Variants in TELO2 observed in about 807,000 individuals in gnomAD.
TELO2 encodes telomere length regulation protein TEL2 homolog.
In TELO2, 71 loss-of-function variants were observed where a neutral mutation model predicts 91.0. The ratio of observed to expected loss-of-function variants is 0.78; its 90% CI spans 0.64 to 0.95. The LOEUF (loss-of-function observed/expected upper bound fraction) is 0.95. TELO2 is among the 40% of genes least tolerant of loss of function. The pLI is 0.00. For synonymous variants in TELO2, 584 were observed against 518.9 expected (o/e 1.13, Z -1.71); for missense variants, 1,183 against 1,141.3 (o/e 1.04, Z -0.53).
intron 20 of TELO2, among the ~76,000 whole-genome samples, chr16:1,509,457 C>T (rs552433360): frequency 2.0e-5 from 3 of 152,338 alleles, no homozygotes; most frequent in South Asian, 2.1e-4. Context: ...TCCCCACAGG[C>T]GGGTGGCACG....
rs375802232 is a variant in TELO2 at position 1,502,960 on chromosome 16, T to C, written c.1800T>C (p.Tyr600=). The change falls in exon 15 of 21, where the codon TAT becomes TAC. Residue 600 remains tyrosine, a synonymous_variant. Transcript: ENST00000262319. The part of the protein sequence containing the change: ...PVADYLTSQF[Y]ALNYSLRQRM... ...CCGACTATCTGACCTCACAGTTCTA[T>C]GCCCTCAACTACAGCCTCCGGCAGC... 5 of 1,611,546 alleles carry C rather than the reference T, an allele frequency of 3.1e-6. No individual in the cohort carries two copies. Among genetic ancestry groups the C allele is most frequent in the Middle Eastern group, 1.7e-4 (1 of 6,060 alleles).
chr16:1,499,435 G>T (rs1005622148), intron 6 of TELO2, 102 bp downstream of exon 6: 1 of 1,345,478 alleles, frequency 7.4e-7, no homozygotes, highest in Non-Finnish European at 1.1e-6. Context: ...GGGAGACCCT[G>T]CCTGTGATTT....
In TELO2 at chr16:1,497,438, C is replaced by A. The variant is rs374512269; in HGVS notation, c.760C>A (p.Arg254Ser). Residue 254 changes from arginine (R) to serine (S), a missense_variant, in exon 5 of 21, where the codon CGC becomes AGC. Physicochemically the swap from Arg to Ser is moderately radical, Grantham distance 110 (BLOSUM62 -1). Transcript: ENST00000262319. This position sits in a 1 kb window ranked among gnomAD's most constrained non-coding sequence, Gnocchi z 4.0. ...GSYLHQRVCWRLVEQVPDRAM... is the reference protein window; with the variant it reads ...GSYLHQRVCWSLVEQVPDRAM... ...CTACCTGCACCAGCGCGTCTGCTGG[C>A]GCCTGGTGGAGCAAGTGCCGGACCG... The A allele has an allele frequency of 1.3e-6, 2 of 1,564,628 alleles. No homozygotes were observed. The highest frequency in any genetic ancestry group is 1.9e-5 in the Admixed American group (1 of 52,760).
intron 8 of TELO2, 24 bp from the exon 9 acceptor site, chr16:1,500,539 A>AG: frequency 6.2e-7 from 1 of 1,610,822 alleles, no homozygotes. Flanking sequence ...CGAGGTGCTC[A>AG]GGGGGCCTGT....
rs773432577 is a variant in TELO2, at chr16:1,506,296, ACTT to A, written c.2101_2103del (p.Phe701del). 53 of 1,613,838 alleles carry A rather than the reference ACTT, an allele frequency of 3.3e-5. No individual in the cohort carries two copies. Among genetic ancestry groups the A allele is most frequent in the African/African-American group, 1.1e-4 (8 of 74,912 alleles). On this transcript the variant is annotated inframe_deletion, in exon 17 of 21. Transcript: ENST00000262319. ...AGCAGATTCAACTCCGTGGCCGGCC[ACTT>A]CTTCTTCCCCCTCCTTCAGCGCTTT...
chr16:1,502,898 C>A (rs759145955), intron 14 of TELO2, 33 bp from the exon 15 acceptor site: 7 of 1,608,248 alleles, frequency 4.4e-6, no homozygotes, highest in Non-Finnish European at 5.9e-6. Context: ...CCTCAGGTCC[C>A]GGACCACAGC....
At position 1,501,252 on chromosome 16, in the gene TELO2, G is replaced by A. The variant is rs1349422913; in HGVS notation, c.1282-168G>A. On this transcript the variant is annotated intron_variant, in intron 9 of 20. Coordinates refer to ENST00000262319, the MANE Select transcript of TELO2 (RefSeq NM_016111.4). ...CCAGTGCTACCCTTGGCCTGAGGTGGAATCTTAGAAAGTCGCTTTTAAAAA... is the reference window on the plus strand; with the variant it reads ...CCAGTGCTACCCTTGGCCTGAGGTGAAATCTTAGAAAGTCGCTTTTAAAAA... Among the ~76,000 whole-genome samples, 3 of 152,222 alleles carry A rather than the reference G, an allele frequency of 2.0e-5. No homozygotes were observed. The South Asian group carries it at 6.2e-4, about 31-fold the overall frequency.
chr16:1,505,455 G>A lies in TELO2; in HGVS notation c.1888G>A (p.Gly630Arg), dbSNP rs775933243. 57 of 1,612,980 alleles carry A rather than the reference G, an allele frequency of 3.5e-5. No homozygotes were observed. Among genetic ancestry groups the A allele is most frequent in the Middle Eastern group, 1.7e-4 (1 of 6,022 alleles). ...GGAGCTGTCTAGGCCTGGGTGCCTCGGGAGGACTCCCCAACCTGGCTCCCC... is the reference window on the plus strand; with the variant it reads ...GGAGCTGTCTAGGCCTGGGTGCCTCAGGAGGACTCCCCAACCTGGCTCCCC... ...AQELSRPGCL[G>R]RTPQPGSPSP... is the part of the protein sequence containing the mutation. The change falls in exon 16 of 21, where the codon GGG (glycine) becomes AGG (arginine). Residue 630 changes from glycine (G) to arginine (R), a missense_variant. Physicochemically the swap from Gly to Arg is moderately radical, Grantham distance 125 (BLOSUM62 -2). Coordinates refer to ENST00000262319, the MANE Select transcript of TELO2 (RefSeq NM_016111.4). The surrounding 1 kb of genome is among the most constrained non-coding windows in gnomAD (Gnocchi z 4.3).
In TELO2 at chr16:1,509,996, G is replaced by A; in HGVS notation, c.*60G>A. 1 of 1,442,310 alleles carries A rather than the reference G, an allele frequency of 6.9e-7. No homozygotes were observed. The highest frequency in any genetic ancestry group is 2.0e-5 in the Admixed American group (1 of 50,382). 89.3% of individuals were successfully genotyped at this position (1,442,310 alleles called of 1,614,324 possible). A position where few individuals can be genotyped will look rare whatever the true frequency, so the allele number is the denominator to read the frequency against. On this transcript the variant is annotated 3_prime_UTR_variant, in exon 21 of 21. Transcript: ENST00000262319. ...CAGCAAGGCAGGCGGCTGAGCAGCG[G>A]CCTGGAGCAGCAGAGCCAGGCTTTG...
At chr16:1,503,106 G>T in intron 15 of TELO2, 104 bp downstream of exon 15, 1 of 1,316,434 alleles carries the variant, frequency 7.6e-7, no homozygotes, top group South Asian at 1.2e-5. Context: ...AAGGGCTCGT[G>T]CAGGCCTGTC....
chr16:1,501,626 G>T, intron 10 of TELO2, 37 bp from the exon 11 acceptor site: 2 of 1,584,136 alleles, frequency 1.3e-6, no homozygotes, highest in Non-Finnish European at 1.7e-6. Context: ...AGGCTCGAGG[G>T]GCCCCTAAAG....
Position 1,505,035 on chromosome 16 carries a change from C to T in TELO2, c.1843-375C>T. 5.1e-6 allele frequency: 1 copy of T among 195,348 alleles called. No individual in the cohort carries two copies. Among genetic ancestry groups the T allele is most frequent in the South Asian group, 1.2e-4 (1 of 8,170 alleles). 12.1% of individuals were successfully genotyped at this position (195,348 alleles called of 1,614,324 possible). A position where few individuals can be genotyped will look rare whatever the true frequency, so the allele number is the denominator to read the frequency against. ...CGCACATGGGTCCTTGGTGCCTTCT[C>T]TGCAATGTTCTGAGGTCCCCCCGCC... On this transcript the variant is annotated intron_variant, in intron 15 of 20. Transcript: ENST00000262319. This position sits in a 1 kb window ranked among gnomAD's most constrained non-coding sequence, Gnocchi z 4.3.
intron 16 of TELO2, 46 bp from the exon 17 acceptor site, chr16:1,506,192 C>G: frequency 6.2e-7 from 1 of 1,602,734 alleles, no homozygotes; most frequent in South Asian, 1.1e-5. Flanking sequence ...GCCGTGCCCG[C>G]TGCCCAAGCC....
chr16:1,502,540 C>T, intron 13 of TELO2, 105 bp from the exon 14 acceptor site: 4 of 1,512,508 alleles, frequency 2.6e-6, no homozygotes, highest in Non-Finnish European at 3.6e-6. Flanking sequence ...GGCCTGCGGC[C>T]TGGGGCCTCT....
chr16:1,506,300 C>T lies in TELO2; in HGVS notation c.2097C>T (p.Phe699=), dbSNP rs764476714. The T allele has an allele frequency of 2.1e-5, 34 of 1,613,994 alleles. No homozygotes were observed. The highest frequency in any genetic ancestry group is 3.3e-5 in the South Asian group (3 of 91,094). ...GATTCAACTCCGTGGCCGGCCACTT[C>T]TTCTTCCCCCTCCTTCAGCGCTTTG... is the stretch of plus-strand genomic sequence containing the variant. ...PSRFNSVAGH[F]FFPLLQRFDR... is the part of the protein sequence containing the mutation. The change falls in exon 17 of 21, where the codon TTC becomes TTT. Residue 699 remains phenylalanine (F), a synonymous_variant. Coordinates refer to ENST00000262319, the MANE Select transcript of TELO2 (RefSeq NM_016111.4).
chr16:1,507,132 G>A, intron 18 of TELO2, 81 bp downstream of exon 18: 3 of 1,514,190 alleles, frequency 2.0e-6, no homozygotes, highest in Non-Finnish European at 2.7e-6. Flanking sequence ...TGCGCCCAGG[G>A]ATGGGTGTCT....
chr16:1,500,494 C>CG lies in TELO2; in HGVS notation c.1144+9dup, dbSNP rs1357610362. On this transcript the variant is annotated splice_region_variant and intron_variant, in intron 8 of 20. Transcript: ENST00000262319. ...ACTGCGGGACAGCCGGGATGGTGAG[C>CG]GGGTGGTTTGGGCTCCCCCCGGCCT... 6.2e-7 allele frequency: 1 copy of CG among 1,610,052 alleles called. No individual in the cohort carries two copies.
At position 1,494,653 on chromosome 16, in the gene TELO2, C is replaced by T; in HGVS notation, c.335+37C>T. ...GGGCCCATCCTGGGGTTGCCGGTAG[C>T]CTCAGAAGTGATGAGAGTGGCTTGA... On this transcript the variant is annotated intron_variant, in intron 2 of 20. Transcript: ENST00000262319. The surrounding 1 kb of genome is among the most constrained non-coding windows in gnomAD (Gnocchi z 5.6). The T allele has an allele frequency of 1.3e-6, 2 of 1,578,160 alleles. No homozygotes were observed. Among genetic ancestry groups the T allele is most frequent in the Middle Eastern group, 1.7e-4 (1 of 5,896 alleles).
intron 19 of TELO2, 77 bp from the exon 20 acceptor site, chr16:1,507,524 G>A (rs1259131030): frequency 8.8e-6 from 13 of 1,485,576 alleles, no homozygotes; most frequent in Non-Finnish European, 1.1e-5. Flanking sequence ...CAGCGTGGGT[G>A]GTCTGCCACA....
Sources: allele counts gnomAD v4.1 joint callset (sites outside exome capture counted in the v4.1 genomes callset), GRCh38; gene constraint gnomAD v4.1.1; non-coding constraint Gnocchi (gnomAD v3.1); transcripts MANE v1.5; gene names NCBI Gene and HGNC (gene_info 2026-07-23, HGNC 2026-07-21).